Variants in LIPI observed in about 807,000 individuals in gnomAD.
The protein encoded by LIPI is lipase member I.
In LIPI, 59 loss-of-function variants were observed where a neutral mutation model predicts 50.6. The ratio of observed to expected loss-of-function variants is 1.16; its 90% CI spans 0.94 to 1.45. The LOEUF (loss-of-function observed/expected upper bound fraction) is 1.45. Among genes scored for constraint, LIPI ranks in the 40% most tolerant of loss-of-function variants. The pLI is 0.00. For missense variants in LIPI, 586 were observed against 536.3 expected, an observed-to-expected ratio of 1.09 and a Z score of -0.92; for synonymous variants, 203 against 178.2, an observed-to-expected ratio of 1.14 and a Z score of -1.11.
chr21:14,155,786 A>G (rs1357650420), intron 7 of LIPI, among the ~76,000 whole-genome samples: 4 of 152,056 alleles, frequency 2.6e-5, no homozygotes, highest in African/African-American at 9.7e-5. Context: ...TAAAAAACAA[A>G]TCTCACTAGC....
At chr21:14,203,196 G>A (rs1024001448) in intron 1 of LIPI, among the ~76,000 whole-genome samples, 3 of 152,130 alleles carry the variant, frequency 2.0e-5, no homozygotes, top group Admixed American at 2.0e-4. Flanking sequence ...AGGTGCTGGA[G>A]AGGATGTGGA....
chr21:14,202,989 A>C (rs1268932767), intron 1 of LIPI, among the ~76,000 whole-genome samples: 1 of 147,642 alleles, frequency 6.8e-6, no homozygotes, highest in East Asian at 1.9e-4. Context: ...ATTTACAAGA[A>C]AAAAACAAAC....
At chr21:14,140,598 TTTTG>T (rs1329335012) in intron 9 of LIPI, among the ~76,000 whole-genome samples, 82 of 152,222 alleles carry the variant, frequency 5.4e-4, no homozygotes, top group East Asian at 3.9e-4. Flanking sequence ...TCCTCCATTT[TTTTG>T]TTTATCAGTA....
chr21:14,210,827 GA>G lies in LIPI; in HGVS notation c.18del (p.Leu7PhefsTer3). The G allele has an allele frequency of 8.1e-7, 1 of 1,229,032 alleles. No individual in the cohort carries two copies. 76.1% of individuals were successfully genotyped at this position (1,229,032 alleles called of 1,614,324 possible). ...GATCTCACCCAGCACATCAAACAAA[GA>G]AAAATGTATACTCTCATTTGGAATC... MRVYI[F>X]LCLMCWVRSD... On this transcript the variant is annotated frameshift_variant, in exon 1 of 10. Coordinates refer to ENST00000681601, the MANE Select transcript of LIPI (RefSeq NM_001302998.2). LOFTEE classifies it high-confidence loss of function.
intron 8 of LIPI, 103 bp from the exon 9 acceptor site, chr21:14,144,902 T>G (rs2017847941): frequency 1.4e-6 from 1 of 719,914 alleles, no homozygotes; most frequent in African/African-American, 1.8e-5. Flanking sequence ...AGAACAAAAT[T>G]ATAGGGAAAA....
chr21:14,201,019 C>G (rs2020033590), intron 1 of LIPI, among the ~76,000 whole-genome samples: 1 of 151,976 alleles, frequency 6.6e-6, no homozygotes, highest in Non-Finnish European at 1.5e-5. Flanking sequence ...AAAGGATTCC[C>G]TGTCGAATAA....
intron 1 of LIPI, among the ~76,000 whole-genome samples, chr21:14,210,397 A>G (rs1477930709): frequency 6.6e-6 from 1 of 152,154 alleles, no homozygotes; most frequent in East Asian, 1.9e-4. Flanking sequence ...TATCCAAGTA[A>G]GAATTTTCTT....
At chr21:14,132,032 TAAAC>T (rs2017315416) in intron 9 of LIPI, among the ~76,000 whole-genome samples, 2 of 151,770 alleles carry the variant, frequency 1.3e-5, no homozygotes, top group African/African-American at 2.4e-5. Flanking sequence ...AACAAGCAAA[TAAAC>T]AAACAAAAAA....
rs568673419 is a variant in LIPI at position 14,179,619 on chromosome 21, G to T, written c.643+2139C>A. Among the ~76,000 whole-genome samples, 6 of 152,280 alleles carry T rather than the reference G, an allele frequency of 3.9e-5. No individual in the cohort carries two copies. In the South Asian group the frequency reaches 1.2e-3, roughly 32 times the overall value. The stretch of plus-strand genomic sequence containing the variant: ...GGGACCCCAAATAGAGGGACCGGCT[G>T]GAGCCGCAGCAGAGGAACATAAATT... On this transcript the variant is annotated intron_variant, in intron 4 of 9. Transcript: ENST00000681601.
At chr21:14,154,359 G>A (rs1423772994) in intron 7 of LIPI, among the ~76,000 whole-genome samples, 3 of 151,794 alleles carry the variant, frequency 2.0e-5, no homozygotes, top group Non-Finnish European at 4.4e-5. Flanking sequence ...ACTGAGGGAA[G>A]GATAAGGACA....
chr21:14,154,182 A>G (rs1056934349), intron 7 of LIPI, among the ~76,000 whole-genome samples: 3 of 152,110 alleles, frequency 2.0e-5, no homozygotes, highest in African/African-American at 7.2e-5. Flanking sequence ...AAATAAATCA[A>G]TGAATACATT....
At position 14,152,556 on chromosome 21, in the gene LIPI, T is replaced by C. The variant is rs1436427188; in HGVS notation, c.1118+17A>G. 13 of 1,193,038 alleles carry C rather than the reference T, an allele frequency of 1.1e-5. No homozygotes were observed. The highest frequency in any genetic ancestry group is 2.5e-5 in the South Asian group (2 of 79,400). 73.9% of individuals were successfully genotyped at this position (1,193,038 alleles called of 1,614,324 possible). A position where few individuals can be genotyped will look rare whatever the true frequency, so the allele number is the denominator to read the frequency against. On this transcript the variant is annotated intron_variant, in intron 8 of 9. Transcript: ENST00000681601. ...ACATTGAATATATGAGAGAAGAAAA[T>C]AGTAAATTTTACTTACTCATAAAGC... is the stretch of plus-strand genomic sequence containing the variant.
chr21:14,114,622 G>A (rs1463674099), intron 9 of LIPI, among the ~76,000 whole-genome samples: 1 of 152,158 alleles, frequency 6.6e-6, no homozygotes, highest in Non-Finnish European at 1.5e-5. Flanking sequence ...GAAGAGCCAT[G>A]ACCACTGCCC....
intron 1 of LIPI, among the ~76,000 whole-genome samples, chr21:14,207,184 C>T (rs2020249291): frequency 1.3e-5 from 2 of 152,092 alleles, no homozygotes; most frequent in Non-Finnish European, 2.9e-5. Flanking sequence ...AATCAAAACA[C>T]ACATTTAGAA....
chr21:14,134,399 C>G (rs182519841), intron 9 of LIPI, among the ~76,000 whole-genome samples: 5 of 152,180 alleles, frequency 3.3e-5, no homozygotes, highest in Admixed American at 6.5e-5. Context: ...AATACAATTT[C>G]TATTGGATTA....
chr21:14,166,465 C>A lies in LIPI; in HGVS notation c.644-14G>T, dbSNP rs544237976. Reference sequence around the variant, plus strand: ...GAATGCCTAAACCTGAGAAGAAAGGCACCCAAGAATCACAACATGTATATA... The same window carrying A: ...GAATGCCTAAACCTGAGAAGAAAGGAACCCAAGAATCACAACATGTATATA... On this transcript the variant is annotated splice_polypyrimidine_tract_variant and intron_variant, in intron 4 of 9. Coordinates refer to ENST00000681601, the MANE Select transcript of LIPI (RefSeq NM_001302998.2). 5.0e-5 allele frequency: 71 copies of A among 1,415,558 alleles called. 1 individual carries two copies. In the South Asian group the frequency reaches 7.8e-4, roughly 16 times the overall value. 87.7% of individuals were successfully genotyped at this position (1,415,558 alleles called of 1,614,324 possible).
intron 9 of LIPI, among the ~76,000 whole-genome samples, chr21:14,124,931 G>A (rs898804840): frequency 3.9e-5 from 6 of 152,062 alleles, no homozygotes; most frequent in African/African-American, 7.2e-5. Context: ...GGAGGTGGAG[G>A]TTGCGGTGAG....
At chr21:14,164,851 C>T (rs953702624) in intron 6 of LIPI, among the ~76,000 whole-genome samples, 4 of 151,902 alleles carry the variant, frequency 2.6e-5, no homozygotes, top group African/African-American at 9.7e-5. Context: ...TTCCTAAAAT[C>T]TCAAAAAAAC....
chr21:14,138,679 A>G (rs553048226), intron 9 of LIPI, among the ~76,000 whole-genome samples: 101 of 152,212 alleles, frequency 6.6e-4, no homozygotes, highest in African/African-American at 2.4e-3. Context: ...TAATGATTGC[A>G]TAACATTTAA....
Sources: gnomAD v4.1 joint callset for allele counts (sites outside exome capture counted in the v4.1 genomes callset) on GRCh38, gnomAD v4.1.1 for gene constraint, MANE v1.5 for transcripts, NCBI Gene and HGNC (gene_info 2026-07-23, HGNC 2026-07-21) for gene names.